The following CNTN3 variants were observed in gnomAD, a reference collection of about 807,000 sequenced individuals.
CNTN3 encodes contactin-3.
A neutral mutation model predicts 119.1 loss-of-function variants in CNTN3; 60 were observed. The ratio of observed to expected loss-of-function variants is 0.50; its 90% CI spans 0.41 to 0.62. The LOEUF is 0.62. Among genes scored for constraint, CNTN3 ranks in the 20% least tolerant of loss-of-function variants. CNTN3 has a pLI of 0.00. For synonymous variants in CNTN3, 450 were observed against 438.7 expected (o/e 1.03, Z -0.32); for missense variants, 1,101 against 1,242.4 (o/e 0.89, Z 1.71).
chr3:74,593,662 C>G (rs1184533808), intron 1 of CNTN3, among the ~76,000 whole-genome samples: 1 of 151,892 alleles, frequency 6.6e-6, no homozygotes, highest in East Asian at 1.9e-4. Flanking sequence ...GATGAGGAAA[C>G]TGAAGCTTAG....
At chr3:74,347,195 A>G (rs1703712302) in intron 11 of CNTN3, among the ~76,000 whole-genome samples, 1 of 152,212 alleles carries the variant, frequency 6.6e-6, no homozygotes, top group Admixed American at 6.5e-5. Flanking sequence ...GCATGAATTC[A>G]GCCAGCTCTA....
At chr3:74,358,936 G>T (rs1230433781) in intron 11 of CNTN3, among the ~76,000 whole-genome samples, 1 of 151,904 alleles carries the variant, frequency 6.6e-6, no homozygotes, top group African/African-American at 2.4e-5. Context: ...CAGAGGACAT[G>T]AACTCATCAT....
chr3:74,347,752 G>A lies in CNTN3; in HGVS notation c.1365-11094C>T, dbSNP rs548337361. 2.0e-5 allele frequency among the ~76,000 whole-genome samples: 3 copies of A among 152,240 alleles called. No individual in the cohort carries two copies. The East Asian group carries it at 5.8e-4, about 29-fold the overall frequency. On this transcript the variant is annotated intron_variant, in intron 11 of 22. Coordinates refer to ENST00000263665, the MANE Select transcript of CNTN3 (RefSeq NM_020872.3). ...GGTGTTCCAGATTGCATTTCCAAAA[G>A]GTGAACACAGTATTTCTCAACCCTC... is the stretch of plus-strand genomic sequence containing the variant.
At chr3:74,400,311 A>G (rs965859630) in intron 5 of CNTN3, among the ~76,000 whole-genome samples, 12 of 152,202 alleles carry the variant, frequency 7.9e-5, no homozygotes, top group African/African-American at 2.9e-4. Flanking sequence ...TCCATTTAAC[A>G]GATGGGAACA....
chr3:74,438,998 G>A (rs1246693329), intron 4 of CNTN3, among the ~76,000 whole-genome samples: 2 of 152,084 alleles, frequency 1.3e-5, no homozygotes, highest in Non-Finnish European at 2.9e-5. Flanking sequence ...CAGAGTAATA[G>A]CATAGTTCAC....
At chr3:74,376,703 C>T (rs1281037871) in intron 5 of CNTN3, among the ~76,000 whole-genome samples, 2 of 152,060 alleles carry the variant, frequency 1.3e-5, no homozygotes, top group African/African-American at 4.8e-5. Context: ...ACACCCACCC[C>T]AGTCCATGGA....
chr3:74,424,861 G>A lies in CNTN3; in HGVS notation c.438C>T (p.Pro146=). 6.2e-7 allele frequency: 1 copy of A among 1,613,538 alleles called. No homozygotes were observed. Among genetic ancestry groups the A allele is most frequent in the South Asian group, 1.1e-5 (1 of 91,036 alleles). ...ATGACTTACCTCCAGAGTGTGGTGG[G>A]GGGCCGCAGAGCAGCACAACTCCCT... ...EGQGVVLLCG[P]PPHSGELSYA... is the part of the protein sequence containing the mutation. The change falls in exon 5 of 23, where the codon CCC becomes CCT. Residue 146 remains proline (P), a synonymous_variant. Coordinates refer to ENST00000263665, the MANE Select transcript of CNTN3 (RefSeq NM_020872.3).
rs866207789 is a variant in CNTN3, at chr3:74,454,412, C to T, written c.359-29472G>A. On this transcript the variant is annotated intron_variant, in intron 4 of 22. Transcript: ENST00000263665. ...TTTTGAGCCTATGTGTGTCTCTGCA[C>T]GTGAGATGGGTTTCCTGAATACAAC... Among the ~76,000 whole-genome samples, 130 of 150,498 alleles carry T rather than the reference C, an allele frequency of 8.6e-4. No individual in the cohort carries two copies. In the Middle Eastern group the frequency reaches 0.01, roughly 12 times the overall value.
At chr3:74,479,875 G>A (rs1158359937) in intron 4 of CNTN3, among the ~76,000 whole-genome samples, 1 of 151,992 alleles carries the variant, frequency 6.6e-6, no homozygotes, top group Non-Finnish European at 1.5e-5. Context: ...ATACCTGAGA[G>A]GACATCCAAA....
At chr3:74,325,174 T>C (rs1478133733) in intron 13 of CNTN3, among the ~76,000 whole-genome samples, 3 of 152,212 alleles carry the variant, frequency 2.0e-5, no homozygotes, top group African/African-American at 7.2e-5. Context: ...TTGCATTTTG[T>C]TTTATAACTT....
At chr3:74,321,183 C>T (rs1042725108) in intron 13 of CNTN3, among the ~76,000 whole-genome samples, 1 of 152,126 alleles carries the variant, frequency 6.6e-6, no homozygotes, top group Non-Finnish European at 1.5e-5. Context: ...GTACTATGCT[C>T]AGTACCTGGG....
At chr3:74,430,210 T>C (rs897135817) in intron 4 of CNTN3, among the ~76,000 whole-genome samples, 2 of 152,224 alleles carry the variant, frequency 1.3e-5, no homozygotes, top group Admixed American at 6.5e-5. Flanking sequence ...CAGAGTTTTA[T>C]GTCTAACAGC....
intron 5 of CNTN3, among the ~76,000 whole-genome samples, chr3:74,380,795 C>A (rs888926499): frequency 6.6e-6 from 1 of 152,152 alleles, no homozygotes; most frequent in African/African-American, 2.4e-5. Flanking sequence ...AAAGGTGCTG[C>A]GTCACAATAA....
chr3:74,614,601 A>G lies in CNTN3; in HGVS notation c.-291T>C, dbSNP rs1044844229. Among the ~76,000 whole-genome samples, 24 of 146,906 alleles carry G rather than the reference A, an allele frequency of 1.6e-4. No individual in the cohort carries two copies. Among genetic ancestry groups the G allele is most frequent in the Non-Finnish European group, 3.5e-4 (23 of 66,124 alleles). On this transcript the variant is annotated 5_prime_UTR_variant, in exon 1 of 23. Transcript: ENST00000263665. ...CGGCGCCAGCCCGCCCGCCGCTGCC[A>G]CCGCCGCCGCCGCCAAGCGCCAGGC...
intron 2 of CNTN3, among the ~76,000 whole-genome samples, chr3:74,517,709 C>T (rs910077920): frequency 6.6e-6 from 1 of 151,834 alleles, no homozygotes; most frequent in Non-Finnish European, 1.5e-5. Context: ...ACTAGAGATC[C>T]TTCCACATCT....
intron 5 of CNTN3, among the ~76,000 whole-genome samples, chr3:74,384,961 C>T (rs1398092693): frequency 6.6e-6 from 1 of 152,164 alleles, no homozygotes; most frequent in Non-Finnish European, 1.5e-5. Flanking sequence ...TGATCTTCCG[C>T]TGGCATGTAC....
intron 21 of CNTN3, 129 bp downstream of exon 21, chr3:74,267,137 T>C: frequency 1.7e-6 from 1 of 584,236 alleles, no homozygotes; most frequent in Non-Finnish European, 3.1e-6. Context: ...TATGGAAAGC[T>C]TGGTATCTTT....
At chr3:74,480,864 T>C (rs1173642560) in intron 4 of CNTN3, among the ~76,000 whole-genome samples, 1 of 151,886 alleles carries the variant, frequency 6.6e-6, no homozygotes, top group Non-Finnish European at 1.5e-5. Context: ...TAAACATAGA[T>C]ACTAAAATTT....
intron 13 of CNTN3, among the ~76,000 whole-genome samples, chr3:74,319,236 A>G (rs965198548): frequency 2.0e-5 from 3 of 152,172 alleles, no homozygotes; most frequent in Non-Finnish European, 4.4e-5. Flanking sequence ...GAACAAAGCC[A>G]GAGGCATCAC....
Sources: allele counts gnomAD v4.1 joint callset (sites outside exome capture counted in the v4.1 genomes callset), GRCh38; gene constraint gnomAD v4.1.1; transcripts MANE v1.5; gene names NCBI Gene and HGNC (gene_info 2026-07-23, HGNC 2026-07-21).